WDR31: variants seen among roughly 807,000 people sequenced by gnomAD.
WDR31 encodes the protein WD repeat domain 31.
A neutral mutation model predicts 47.3 loss-of-function variants in WDR31; 30 were observed. The ratio of observed to expected loss-of-function variants is 0.63; its 90% CI spans 0.47 to 0.86. WDR31 has a LOEUF of 0.86. Among genes scored for constraint, WDR31 ranks in the 40% least tolerant of loss-of-function variants. The probability of loss-of-function intolerance (pLI) is 0.00; values close to 1 mark genes in which losing one functional copy is unlikely to be tolerated. For missense variants in WDR31, 406 were observed against 442.9 expected (o/e 0.92, Z 0.75); for synonymous variants, 137 against 159.4 (o/e 0.86, Z 1.06).
At position 113,323,233 on chromosome 9, in the gene WDR31, G is replaced by A. The variant is rs1251976702; in HGVS notation, c.325-78C>T. On this transcript the variant is annotated intron_variant, in intron 5 of 10. Transcript: ENST00000374193. ...CTGGACTTTAAATTGGGGGAAAGAT[G>A]AGTCTGCATAACTCCCTCCCCACAC... is the stretch of plus-strand genomic sequence containing the variant. The A allele has an allele frequency of 7.9e-6, 12 of 1,516,394 alleles. No individual in the cohort carries two copies. In the East Asian group the frequency reaches 2.3e-4, roughly 29 times the overall value. The allele number at this position is 1,516,394 out of a possible 1,614,324, so 93.9% of individuals were successfully genotyped here. A position where few individuals can be genotyped will look rare whatever the true frequency, so the allele number is the denominator to read the frequency against.
At chr9:113,330,249 C>T (rs140586937) in intron 4 of WDR31, among the ~76,000 whole-genome samples, 1 of 151,944 alleles carries the variant, frequency 6.6e-6, no homozygotes, top group African/African-American at 2.4e-5. Context: ...TACAGGCAAG[C>T]GCCATCATGC....
At position 113,330,594 on chromosome 9, in the gene WDR31, G is replaced by A. The variant is rs141004153; in HGVS notation, c.249+390C>T. Among the ~76,000 whole-genome samples, 5 of 152,318 alleles carry A rather than the reference G, an allele frequency of 3.3e-5. No individual in the cohort carries two copies. In the East Asian group the frequency reaches 9.6e-4, roughly 29 times the overall value. ...AAGAAGAGATTAGACAGTTCCTTTT[G>A]CTGACAATTAACTCCTGTGTCTCCA... On this transcript the variant is annotated intron_variant, in intron 4 of 10. Transcript: ENST00000374193.
intron 4 of WDR31, among the ~76,000 whole-genome samples, chr9:113,329,615 A>G (rs1369757324): frequency 6.6e-6 from 1 of 151,964 alleles, no homozygotes; most frequent in Non-Finnish European, 1.5e-5. Context: ...ATTTTAAGAC[A>G]AAATACTGCC....
intron 5 of WDR31, 74 bp from the exon 6 acceptor site, chr9:113,323,229 A>G (rs1376668440): frequency 2.0e-6 from 3 of 1,532,952 alleles, no homozygotes; most frequent in African/African-American, 2.8e-5. Flanking sequence ...ATTGGGGGAA[A>G]GATGAGTCTG....
chr9:113,339,980 C>T (rs1326547232), intron 1 of WDR31, among the ~76,000 whole-genome samples: 1 of 152,202 alleles, frequency 6.6e-6, no homozygotes, highest in African/African-American at 2.4e-5. Context: ...GGCAATCCAC[C>T]CGCCTCGGCC....
At position 113,321,242 on chromosome 9, in the gene WDR31, C is replaced by G. The variant is rs112757440; in HGVS notation, c.638+269G>C. ...CTGATTCTGGGGTTAATCTGAACAC[C>G]TTCACACAGCAGGAGCTGGCTGAAT... On this transcript the variant is annotated intron_variant, in intron 8 of 10. Coordinates refer to ENST00000374193, the MANE Select transcript of WDR31 (RefSeq NM_001012361.4). Among the ~76,000 whole-genome samples the G allele has an allele frequency of 3.6e-3, 542 of 152,336 alleles. 4 individuals are homozygous for G. The highest frequency in any genetic ancestry group is 0.012 in the African/African-American group (503 of 41,572).
Position 113,316,515 on chromosome 9 carries a change from G to T in WDR31, c.*234C>A, listed in dbSNP as rs1755004091. On this transcript the variant is annotated 3_prime_UTR_variant, in exon 11 of 11. Coordinates refer to ENST00000374193, the MANE Select transcript of WDR31 (RefSeq NM_001012361.4). ...AAAAGCTCACTAAAAAGTTGCATTT[G>T]TATTTAACTTAAATAGAGAACCTTA... 4.4e-6 allele frequency: 2 copies of T among 450,116 alleles called. No homozygotes were observed. Among genetic ancestry groups the T allele is most frequent in the Non-Finnish European group, 3.9e-6 (1 of 256,510 alleles). The allele number at this position is 450,116 out of a possible 1,614,324, so 27.9% of individuals were successfully genotyped here. A position where few individuals can be genotyped will look rare whatever the true frequency, so the allele number is the denominator to read the frequency against.
At chr9:113,326,444 T>TTC (rs1022034820) in intron 5 of WDR31, among the ~76,000 whole-genome samples, 5 of 150,676 alleles carry the variant, frequency 3.3e-5, no homozygotes, top group African/African-American at 7.3e-5. Flanking sequence ...TCTCTCTTCT[T>TTC]TCTCTCTCTC....
chr9:113,328,301 C>CTGTGCTATGGGTGAAAACA (rs1833521198), intron 5 of WDR31, among the ~76,000 whole-genome samples: 1 of 152,176 alleles, frequency 6.6e-6, no homozygotes, highest in Non-Finnish European at 1.5e-5. Flanking sequence ...ATATCATATT[C>CTGTGCTATGGGTGAAAACA]TGTGCTATGG....
At chr9:113,335,053 A>C (rs995592506) in intron 2 of WDR31, among the ~76,000 whole-genome samples, 17 of 152,164 alleles carry the variant, frequency 1.1e-4, no homozygotes, top group African/African-American at 4.1e-4. Flanking sequence ...GTGACTTAGA[A>C]TTTAAATAAT....
At chr9:113,322,248 A>C (rs553810849) in intron 7 of WDR31, among the ~76,000 whole-genome samples, 1 of 151,976 alleles carries the variant, frequency 6.6e-6, no homozygotes, top group East Asian at 1.9e-4. Context: ...AGACACAGAC[A>C]CTCTAAGAGC....
rs1833704085 is a variant in WDR31 at position 113,335,803 on chromosome 9, C to T, written c.-29+485G>A. Among the ~76,000 whole-genome samples, 6 of 152,276 alleles carry T rather than the reference C, an allele frequency of 3.9e-5. No individual in the cohort carries two copies. The South Asian group carries it at 1.0e-3, about 26-fold the overall frequency. ...CCATTCCCCACTCTGGCCTCAGCCT[C>T]CCCAGCTAGAAAATTAGGACACTAT... On this transcript the variant is annotated intron_variant, in intron 2 of 10. Coordinates refer to ENST00000374193, the MANE Select transcript of WDR31 (RefSeq NM_001012361.4).
At chr9:113,317,285 C>T (rs1296844835) in intron 10 of WDR31, among the ~76,000 whole-genome samples, 1 of 152,114 alleles carries the variant, frequency 6.6e-6, no homozygotes, top group Non-Finnish European at 1.5e-5. Flanking sequence ...GTCTTGATGC[C>T]TTGGAGATGG....
intron 2 of WDR31, among the ~76,000 whole-genome samples, chr9:113,333,656 C>T (rs1833650868): frequency 1.3e-5 from 2 of 151,598 alleles, no homozygotes; most frequent in Admixed American, 1.3e-4. Flanking sequence ...GCTGGGATTA[C>T]AGGCGTGAGC....
chr9:113,325,275 A>G (rs1167442567), intron 5 of WDR31, among the ~76,000 whole-genome samples: 1 of 152,144 alleles, frequency 6.6e-6, no homozygotes, highest in African/African-American at 2.4e-5. Flanking sequence ...TCTTTTAAAC[A>G]ATGTACAGGT....
At chr9:113,317,163 G>A (rs999170543) in intron 10 of WDR31, among the ~76,000 whole-genome samples, 2 of 152,048 alleles carry the variant, frequency 1.3e-5, no homozygotes, top group African/African-American at 4.8e-5. Flanking sequence ...GGGTCTCACC[G>A]GCTAAAGACA....
At chr9:113,323,525 G>A (rs1212449506) in intron 5 of WDR31, among the ~76,000 whole-genome samples, 2 of 151,830 alleles carry the variant, frequency 1.3e-5, no homozygotes, top group Non-Finnish European at 2.9e-5. Context: ...GCCTCCCAAA[G>A]TACTGGGATT....
intron 8 of WDR31, among the ~76,000 whole-genome samples, chr9:113,321,103 C>T (rs1417011629): frequency 1.3e-5 from 2 of 152,218 alleles, no homozygotes; most frequent in Non-Finnish European, 2.9e-5. Context: ...CTGATTTCAA[C>T]CCTGCTTCCC....
chr9:113,334,491 G>C (rs1407346406), intron 2 of WDR31, among the ~76,000 whole-genome samples: 1 of 151,770 alleles, frequency 6.6e-6, no homozygotes, highest in Non-Finnish European at 1.5e-5. Context: ...AAATTAATAA[G>C]TAAATGTCTT....
Sources: allele counts gnomAD v4.1 joint callset (sites outside exome capture counted in the v4.1 genomes callset), GRCh38; gene constraint gnomAD v4.1.1; transcripts MANE v1.5; gene names NCBI Gene and HGNC (gene_info 2026-07-23, HGNC 2026-07-21).